PHKB: variants seen among roughly 807,000 people sequenced by gnomAD.
PHKB encodes phosphorylase b kinase regulatory subunit beta.
PHKB carries 122 observed loss-of-function variants against 152.1 expected under a neutral mutation model. The ratio of observed to expected loss-of-function variants is 0.80; its 90% CI spans 0.69 to 0.93. The LOEUF (loss-of-function observed/expected upper bound fraction) is 0.93, where lower values mean the gene tolerates loss of function less well. PHKB is among the 40% of genes least tolerant of loss of function. The pLI, the probability that PHKB is intolerant of heterozygous loss-of-function variation, is 0.00. For synonymous variants in PHKB, 436 were observed against 464.9 expected (o/e 0.94, Z 0.80); for missense variants, 1,304 against 1,328.4 (o/e 0.98, Z 0.29).
In PHKB at chr16:47,693,796, A is replaced by G. The variant is rs181815452; in HGVS notation, c.2895+289A>G. Among the ~76,000 whole-genome samples the G allele has an allele frequency of 3.9e-5, 6 of 152,256 alleles. No homozygotes were observed. In the East Asian group the frequency reaches 1.2e-3, roughly 29 times the overall value. On this transcript the variant is annotated intron_variant, in intron 28 of 30. Coordinates refer to ENST00000323584, the MANE Select transcript of PHKB (RefSeq NM_000293.3). ...ATATTTAATAAAAAAAATTGTTGGT[A>G]TTGTCATATTTTAGATATTTTGAGG... is the stretch of plus-strand genomic sequence containing the variant.
intron 6 of PHKB, among the ~76,000 whole-genome samples, chr16:47,526,534 T>C (rs1970770753): frequency 1.3e-5 from 2 of 152,000 alleles, no homozygotes; most frequent in East Asian, 1.9e-4. Context: ...CCAGGCCCCA[T>C]CGTCAAGAGT....
At chr16:47,620,659 A>C (rs977796427) in intron 14 of PHKB, among the ~76,000 whole-genome samples, 1 of 152,160 alleles carries the variant, frequency 6.6e-6, no homozygotes, top group Non-Finnish European at 1.5e-5. Context: ...GTGGATCACG[A>C]GGTCAGGAGT....
chr16:47,503,508 C>T (rs1970358568), intron 4 of PHKB, among the ~76,000 whole-genome samples: 1 of 152,132 alleles, frequency 6.6e-6, no homozygotes, highest in Non-Finnish European at 1.5e-5. Flanking sequence ...CATTTACATA[C>T]AAAAAGGCTA....
chr16:47,552,243 G>T (rs1971284797), intron 7 of PHKB, among the ~76,000 whole-genome samples: 1 of 152,052 alleles, frequency 6.6e-6, no homozygotes, highest in African/African-American at 2.4e-5. Context: ...TTTCAGAATT[G>T]GATCCTGTCA....
At chr16:47,600,772 T>A (rs1184854037) in intron 13 of PHKB, among the ~76,000 whole-genome samples, 3 of 152,246 alleles carry the variant, frequency 2.0e-5, no homozygotes, top group East Asian at 1.9e-4. Flanking sequence ...TACGTGAAGA[T>A]GTCTATACAT....
At chr16:47,494,103 A>T (rs1177428341) in intron 1 of PHKB, among the ~76,000 whole-genome samples, 1 of 152,216 alleles carries the variant, frequency 6.6e-6, no homozygotes, top group Non-Finnish European at 1.5e-5. Context: ...GGTTGGGTGA[A>T]GGAGGACTTA....
At chr16:47,649,463 CAG>C (rs985600976) in intron 18 of PHKB, among the ~76,000 whole-genome samples, 2 of 151,940 alleles carry the variant, frequency 1.3e-5, no homozygotes, top group African/African-American at 4.8e-5. Context: ...TTCAGAAAAA[CAG>C]GGGGACCTAT....
At chr16:47,687,691 T>C (rs755503523) in intron 26 of PHKB, among the ~76,000 whole-genome samples, 4 of 152,208 alleles carry the variant, frequency 2.6e-5, no homozygotes, top group African/African-American at 4.8e-5. Context: ...GTAACTCTCA[T>C]GCCCTTATAA....
chr16:47,697,640 A>G (rs1669325301), intron 29 of PHKB, among the ~76,000 whole-genome samples: 1 of 152,206 alleles, frequency 6.6e-6, no homozygotes, highest in African/African-American at 2.4e-5. Context: ...AAGCATCGAG[A>G]TAAAATACAG....
intron 14 of PHKB, among the ~76,000 whole-genome samples, chr16:47,629,725 G>A (rs1337797857): frequency 4.6e-5 from 7 of 152,132 alleles, no homozygotes; most frequent in Admixed American, 3.3e-4. Context: ...ATATGCACAC[G>A]TATGTTTATT....
chr16:47,546,895 A>G (rs1263629574), intron 6 of PHKB, among the ~76,000 whole-genome samples: 2 of 152,112 alleles, frequency 1.3e-5, no homozygotes, highest in Non-Finnish European at 2.9e-5. Context: ...CTCCATGGCC[A>G]TGGGACCCGC....
chr16:47,681,269 G>A (rs1044365295), intron 26 of PHKB, among the ~76,000 whole-genome samples: 12 of 151,520 alleles, frequency 7.9e-5, no homozygotes, highest in Non-Finnish European at 1.8e-4. Context: ...GGAGAGTTCT[G>A]TAGATGTCTA....
intron 5 of PHKB, among the ~76,000 whole-genome samples, chr16:47,512,008 C>T (rs953990236): frequency 6.6e-6 from 1 of 152,126 alleles, no homozygotes; most frequent in Non-Finnish European, 1.5e-5. Context: ...GGTTTGCACT[C>T]CTCTGAGAAT....
At chr16:47,623,643 T>C (rs1972658317) in intron 14 of PHKB, among the ~76,000 whole-genome samples, 1 of 148,770 alleles carries the variant, frequency 6.7e-6, no homozygotes, top group South Asian at 2.2e-4. Flanking sequence ...AATCTCTGCC[T>C]CCCGGGTTCA....
At chr16:47,565,288 A>C in intron 7 of PHKB, 1 of 730,782 alleles carries the variant, frequency 1.4e-6, no homozygotes, top group Non-Finnish European at 2.6e-6. Flanking sequence ...GACCATGGCT[A>C]GAGTTCCCAG....
At chr16:47,585,800 G>T (rs1197170793) in intron 8 of PHKB, among the ~76,000 whole-genome samples, 1 of 152,148 alleles carries the variant, frequency 6.6e-6, no homozygotes, top group Non-Finnish European at 1.5e-5. Context: ...GAAAATAGAA[G>T]TTGGCTGTTT....
Position 47,684,608 on chromosome 16 carries a change from A to T in PHKB, c.2631-4433A>T, listed in dbSNP as rs963281583. Among the ~76,000 whole-genome samples the T allele has an allele frequency of 3.9e-5, 6 of 152,134 alleles. No homozygotes were observed. The South Asian group carries it at 8.3e-4, about 21-fold the overall frequency. On this transcript the variant is annotated intron_variant, in intron 26 of 30. Coordinates refer to ENST00000323584, the MANE Select transcript of PHKB (RefSeq NM_000293.3). ...AGTGAAACCCCGTCTCTACTAAAAA[A>T]TACAAAAAATTAGCTGGGCGTAGTA...
At chr16:47,651,869 A>G (rs1973243127) in intron 20 of PHKB, among the ~76,000 whole-genome samples, 1 of 151,996 alleles carries the variant, frequency 6.6e-6, no homozygotes, top group Non-Finnish European at 1.5e-5. Context: ...GTCTTTTTGT[A>G]ATGCCTCCTG....
At chr16:47,565,666 C>T (rs147694449) in intron 7 of PHKB, 50 of 1,262,696 alleles carry the variant, frequency 4.0e-5, no homozygotes, top group Middle Eastern at 5.3e-4. Context: ...CTCGACCATC[C>T]CTGTTCCTGA....
Sources: gnomAD v4.1 joint callset for allele counts (sites outside exome capture counted in the v4.1 genomes callset) on GRCh38, gnomAD v4.1.1 for gene constraint, MANE v1.5 for transcripts, NCBI Gene and HGNC (gene_info 2026-07-23, HGNC 2026-07-21) for gene names.